INIP: variants seen among roughly 807,000 people sequenced by gnomAD.
INIP encodes the protein SOSS complex subunit C.
A neutral mutation model predicts 14.0 loss-of-function variants in INIP; 9 were observed. The observed-to-expected ratio is 0.64, with a 90% CI of 0.39 to 1.12. The LOEUF (loss-of-function observed/expected upper bound fraction) is 1.12, where lower values mean the gene tolerates loss of function less well. INIP is among the 50% of genes most tolerant of loss of function. The pLI is 0.01. For synonymous variants in INIP, 37 were observed against 41.5 expected (o/e 0.89, Z 0.41); for missense variants, 78 against 122.7 (o/e 0.64, Z 1.72).
intron 2 of INIP, among the ~76,000 whole-genome samples, chr9:112,702,716 C>T (rs771712352): frequency 9.2e-5 from 14 of 152,112 alleles, no homozygotes; most frequent in Non-Finnish European, 1.8e-4. Context: ...AGGCACGTGC[C>T]ACCACACCTG....
intron 3 of INIP, among the ~76,000 whole-genome samples, chr9:112,691,964 C>T (rs1837900727): frequency 6.6e-6 from 1 of 151,760 alleles, no homozygotes; most frequent in Non-Finnish European, 1.5e-5. Flanking sequence ...GAGCCAAGAT[C>T]GTGCCACTGC....
chr9:112,700,098 A>G (rs1169777184), intron 2 of INIP, among the ~76,000 whole-genome samples: 7 of 152,208 alleles, frequency 4.6e-5, no homozygotes, highest in African/African-American at 1.7e-4. Flanking sequence ...TTACTAATGG[A>G]TGTGTGCCTG....
intron 4 of INIP, among the ~76,000 whole-genome samples, chr9:112,687,954 C>T (rs551406025): frequency 3.9e-5 from 6 of 152,032 alleles, no homozygotes; most frequent in South Asian, 2.1e-4. Flanking sequence ...GGCGTGGTGG[C>T]GGGTGCCTGT....
At chr9:112,699,809 A>T (rs1324254741) in intron 2 of INIP, among the ~76,000 whole-genome samples, 1 of 152,090 alleles carries the variant, frequency 6.6e-6, no homozygotes, top group Non-Finnish European at 1.5e-5. Context: ...GGTATCAATG[A>T]CTTGGTCAGC....
At chr9:112,708,931 C>T (rs1030516756) in intron 2 of INIP, among the ~76,000 whole-genome samples, 48 of 151,542 alleles carry the variant, frequency 3.2e-4, no homozygotes, top group Admixed American at 2.8e-3. Flanking sequence ...TAGTTAATGA[C>T]GAATGTTTCC....
chr9:112,708,211 T>C (rs1485302544), intron 2 of INIP, among the ~76,000 whole-genome samples: 1 of 152,188 alleles, frequency 6.6e-6, no homozygotes, highest in Non-Finnish European at 1.5e-5. Context: ...TGACCTAGCG[T>C]GAAAGCGGGG....
intron 2 of INIP, among the ~76,000 whole-genome samples, chr9:112,709,090 T>A (rs1044800822): frequency 1.3e-5 from 2 of 152,094 alleles, no homozygotes; most frequent in African/African-American, 4.8e-5. Flanking sequence ...AAGGACTTAC[T>A]TCTTTAAAAC....
In INIP at chr9:112,706,838, T is replaced by C. The variant is rs147385607; in HGVS notation, c.25+9623A>G. ...CCAGGCTGGTCTTGATGGCCTCAAG[T>C]GATCCTTCCACCTCAGCCTCCCAAA... On this transcript the variant is annotated intron_variant, in intron 2 of 4. Transcript: ENST00000374242. 1.6e-3 allele frequency among the ~76,000 whole-genome samples: 251 copies of C among 152,210 alleles called. 1 individual carries two copies. Among genetic ancestry groups the C allele is most frequent in the African/African-American group, 5.8e-3 (240 of 41,512 alleles).
chr9:112,692,083 G>GA (rs200944663), intron 3 of INIP, among the ~76,000 whole-genome samples: 2,035 of 152,256 alleles, frequency 0.013, 17 homozygotes, highest in Non-Finnish European at 0.02. Flanking sequence ...TGTCTGATAA[G>GA]AAAAGGACTC....
chr9:112,708,845 C>CTT (rs763882544), intron 2 of INIP, among the ~76,000 whole-genome samples: 4,032 of 144,844 alleles, frequency 0.028, 195 homozygotes, highest in African/African-American at 0.096. Flanking sequence ...TTTTTATTAA[C>CTT]TTTTTTTTTT....
intron 4 of INIP, among the ~76,000 whole-genome samples, chr9:112,688,992 A>G (rs1242294759): frequency 6.6e-6 from 1 of 152,226 alleles, no homozygotes; most frequent in East Asian, 1.9e-4. Context: ...AAATTATTCA[A>G]GATGAGACTG....
chr9:112,707,020 T>C (rs1005197985), intron 2 of INIP, among the ~76,000 whole-genome samples: 8 of 152,202 alleles, frequency 5.3e-5, no homozygotes, highest in Non-Finnish European at 1.2e-4. Flanking sequence ...CAAGCGATTC[T>C]CCTGCCTCAG....
chr9:112,707,996 G>C (rs1009698303), intron 2 of INIP, among the ~76,000 whole-genome samples: 4 of 152,152 alleles, frequency 2.6e-5, no homozygotes, highest in African/African-American at 7.2e-5. Flanking sequence ...CACAAAGTTA[G>C]GTTCTAAGGA....
chr9:112,691,042 A>G (rs1463034229), intron 3 of INIP, among the ~76,000 whole-genome samples: 1 of 152,232 alleles, frequency 6.6e-6, no homozygotes, highest in Non-Finnish European at 1.5e-5. Flanking sequence ...CAATTTTGTT[A>G]TATTTCTGTT....
intron 2 of INIP, among the ~76,000 whole-genome samples, chr9:112,700,272 T>C (rs2798316): frequency 0.14 from 21,176 of 152,014 alleles, 1,765 homozygotes; most frequent in African/African-American, 0.23. Flanking sequence ...GAGTGCACTG[T>C]TGAAACTGTG....
Position 112,716,557 on chromosome 9 carries a change from A to T in INIP, c.-56-16T>A. The T allele has an allele frequency of 5.1e-6, 6 of 1,178,568 alleles. No individual in the cohort carries two copies. The highest frequency in any genetic ancestry group is 7.7e-6 in the Non-Finnish European group (6 of 783,654). 73.0% of individuals were successfully genotyped at this position (1,178,568 alleles called of 1,614,324 possible). ...TCACAATCACCTATAAAATATGTGTACACACATATACAATGCACCATATTT... is the reference window on the plus strand; with the variant it reads ...TCACAATCACCTATAAAATATGTGTTCACACATATACAATGCACCATATTT... On this transcript the variant is annotated splice_polypyrimidine_tract_variant and intron_variant, in intron 1 of 4. Coordinates refer to ENST00000374242, the MANE Select transcript of INIP (RefSeq NM_021218.3).
intron 2 of INIP, among the ~76,000 whole-genome samples, chr9:112,716,061 T>G (rs1006432257): frequency 6.6e-6 from 1 of 152,152 alleles, no homozygotes; most frequent in African/African-American, 2.4e-5. Context: ...TTTACTTTGA[T>G]GTTCTTCTTT....
At chr9:112,700,839 T>C (rs1450750700) in intron 2 of INIP, among the ~76,000 whole-genome samples, 6 of 152,044 alleles carry the variant, frequency 3.9e-5, no homozygotes, top group Middle Eastern at 3.4e-3. Flanking sequence ...TCTGTAACTA[T>C]AGGCTCCAAA....
At chr9:112,703,860 T>A (rs1838375382) in intron 2 of INIP, among the ~76,000 whole-genome samples, 1 of 152,136 alleles carries the variant, frequency 6.6e-6, no homozygotes, top group African/African-American at 2.4e-5. Context: ...TACAGCTAAG[T>A]GGAATAAATT....
Sources: allele counts gnomAD v4.1 joint callset (sites outside exome capture counted in the v4.1 genomes callset), GRCh38; gene constraint gnomAD v4.1.1; transcripts MANE v1.5; gene names NCBI Gene and HGNC (gene_info 2026-07-23, HGNC 2026-07-21).